The following NECAP2 variants were observed in gnomAD, a reference collection of about 807,000 sequenced individuals.
NECAP2 encodes NECAP endocytosis associated 2.
NECAP2 carries 38 observed loss-of-function variants against 37.8 expected under a neutral mutation model. That is an observed-to-expected ratio of 1.01 (90% CI 0.78 to 1.32). The LOEUF (loss-of-function observed/expected upper bound fraction) is 1.32, where lower values mean the gene tolerates loss of function less well. NECAP2 is among the 40% of genes most tolerant of loss of function. The probability of loss-of-function intolerance (pLI) is 0.00; values close to 1 mark genes in which losing one functional copy is unlikely to be tolerated. For missense variants in NECAP2, 316 were observed against 334.5 expected (o/e 0.94, Z 0.43); for synonymous variants, 121 against 127.7 (o/e 0.95, Z 0.35).
chr1:16,454,560 T>C (rs2086891823), intron 6 of NECAP2, among the ~76,000 whole-genome samples: 1 of 152,080 alleles, frequency 6.6e-6, no homozygotes, highest in Non-Finnish European at 1.5e-5. Flanking sequence ...TTTCACCACG[T>C]TGGCCAGGCT....
rs747986512 is a variant in NECAP2 at position 16,448,092 on chromosome 1, G to C, written c.331G>C (p.Asp111His). 20 of 1,614,040 alleles carry C rather than the reference G, an allele frequency of 1.2e-5. No homozygotes were observed. The East Asian group carries it at 4.2e-4, about 34-fold the overall frequency. ...RRAFIGIGFG[D>H]RGDAFDFNVA... Reference sequence around the variant, plus strand: ...GGCGTTTATTGGAATTGGCTTCGGGGACCGAGGTGATGCCTTTGACTTCAA... The same window carrying C: ...GGCGTTTATTGGAATTGGCTTCGGGCACCGAGGTGATGCCTTTGACTTCAA... Residue 111 changes from aspartate (D) to histidine (H), a missense_variant, in exon 4 of 8, where the codon GAC becomes CAC. Asp to His is a moderately conservative substitution (Grantham distance 81, BLOSUM62 -1). Coordinates refer to ENST00000337132, the MANE Select transcript of NECAP2 (RefSeq NM_018090.5).
chr1:16,446,565 CT>C (rs80041434), intron 2 of NECAP2, among the ~76,000 whole-genome samples: 156 of 144,868 alleles, frequency 1.1e-3, no homozygotes, highest in African/African-American at 2.0e-3. Context: ...CTGTTTCTTT[CT>C]TTTTTTTTTT....
chr1:16,448,231 G>A, intron 4 of NECAP2, 90 bp downstream of exon 4: 1 of 1,292,628 alleles, frequency 7.7e-7, no homozygotes. Context: ...AAGTGTTTGT[G>A]TGTGATTTGT....
At position 16,459,138 on chromosome 1, in the gene NECAP2, A is replaced by G. The variant is rs1434791783; in HGVS notation, c.*248A>G. The G allele has an allele frequency of 6.5e-6, 5 of 769,772 alleles. No homozygotes were observed. The highest frequency in any genetic ancestry group is 1.9e-5 in the South Asian group (1 of 51,646). The allele number at this position is 769,772 out of a possible 1,614,324, so 47.7% of individuals were successfully genotyped here. Reference sequence around the variant, plus strand: ...GAAAAGCTCCAGGATCCCTGTCCCCATCTGTCCTCTTGATGTGAGAGAGAC... The same window carrying G: ...GAAAAGCTCCAGGATCCCTGTCCCCGTCTGTCCTCTTGATGTGAGAGAGAC... On this transcript the variant is annotated 3_prime_UTR_variant, in exon 8 of 8. Coordinates refer to ENST00000337132, the MANE Select transcript of NECAP2 (RefSeq NM_018090.5).
In NECAP2 at chr1:16,447,772, T is replaced by TA; in HGVS notation, c.194-97dup. 6.6e-6 allele frequency: 6 copies of TA among 912,342 alleles called. No individual in the cohort carries two copies. The South Asian group carries it at 8.0e-5, about 12-fold the overall frequency. 56.5% of individuals were successfully genotyped at this position (912,342 alleles called of 1,614,324 possible). A position where few individuals can be genotyped will look rare whatever the true frequency, so the allele number is the denominator to read the frequency against. On this transcript the variant is annotated intron_variant, in intron 2 of 7. Coordinates refer to ENST00000337132, the MANE Select transcript of NECAP2 (RefSeq NM_018090.5). ...GGTTTGCCGATCTGTCTCAGCTGGTTAGAGATGCCTTGCGGGCAAAAGGCC... is the reference window on the plus strand; with the variant it reads ...GGTTTGCCGATCTGTCTCAGCTGGTTAAGAGATGCCTTGCGGGCAAAAGGCC...
At chr1:16,449,497 T>G in intron 5 of NECAP2, 1 of 317,346 alleles carries the variant, frequency 3.2e-6, no homozygotes, top group African/African-American at 2.1e-5. Context: ...CCCATAGTTG[T>G]GGGAACCAAG....
chr1:16,455,890 CAGGGTAA>C lies in NECAP2; in HGVS notation c.741_743+4del. 1 of 1,613,760 alleles carries C rather than the reference CAGGGTAA, an allele frequency of 6.2e-7. No individual in the cohort carries two copies. The highest frequency in any genetic ancestry group is 1.1e-5 in the South Asian group (1 of 91,080). On this transcript the variant is annotated splice_donor_variant and splice_donor_region_variant and coding_sequence_variant and intron_variant, in exon 7 of 8. Transcript: ENST00000337132. LOFTEE classifies it high-confidence loss of function. ...ATCTGGGGAGACTTTACCAAATCTACAGGGTAAGGAGGGCCATGTTCTGCGGAGGGGC... is the reference window on the plus strand; with the variant it reads ...ATCTGGGGAGACTTTACCAAATCTACGGAGGGCCATGTTCTGCGGAGGGGC...
chr1:16,446,151 T>C (rs1268290156), intron 2 of NECAP2, among the ~76,000 whole-genome samples: 1 of 152,166 alleles, frequency 6.6e-6, no homozygotes, highest in Admixed American at 6.5e-5. Flanking sequence ...GAGGTCGCAG[T>C]GAGCCGAGAT....
chr1:16,451,923 C>A lies in NECAP2; in HGVS notation c.575C>A (p.Pro192Gln). Residue 192 changes from proline to glutamine, a missense_variant, in exon 6 of 8, where the codon CCA becomes CAA. Pro to Gln is a moderately conservative substitution (Grantham distance 76). Coordinates refer to ENST00000337132, the MANE Select transcript of NECAP2 (RefSeq NM_018090.5). ...TGGLSLLPPP[P>Q]GGKTSTLIPP... The stretch of plus-strand genomic sequence containing the variant: ...GGGCTGAGCCTGCTTCCCCCTCCCC[C>A]AGGGGGGAAAACCTCCACCCTGATC... 2 of 1,613,942 alleles carry A rather than the reference C, an allele frequency of 1.2e-6. No homozygotes were observed. The highest frequency in any genetic ancestry group is 1.7e-6 in the Non-Finnish European group (2 of 1,179,838).
intron 4 of NECAP2, among the ~76,000 whole-genome samples, chr1:16,448,754 A>G (rs990791688): frequency 1.3e-5 from 2 of 152,010 alleles, no homozygotes; most frequent in African/African-American, 4.8e-5. Flanking sequence ...CTTAGTTCTC[A>G]TGTCATATAC....
intron 6 of NECAP2, among the ~76,000 whole-genome samples, chr1:16,454,162 C>T (rs951093856): frequency 2.6e-5 from 4 of 151,344 alleles, no homozygotes; most frequent in African/African-American, 9.7e-5. Context: ...TGGGTTCAAG[C>T]GACTCTCCTG....
chr1:16,441,979 C>CTT (rs1275872447), intron 1 of NECAP2, among the ~76,000 whole-genome samples: 5 of 136,550 alleles, frequency 3.7e-5, no homozygotes, highest in African/African-American at 8.1e-5. Flanking sequence ...CCTGTTGGGT[C>CTT]TTTTTTTTTT....
chr1:16,443,691 AG>A lies in NECAP2; in HGVS notation c.155del (p.Gly52AspfsTer33). ...AGTGGCCGGCTGAGGATCACTGCAAAGGGACAGATGGCCTACATCAAGCTGG... is the reference window on the plus strand; with the variant it reads ...AGTGGCCGGCTGAGGATCACTGCAAAGGACAGATGGCCTACATCAAGCTGG... ...SWSGRLRITA[K>X]GQMAYIKLED... On this transcript the variant is annotated frameshift_variant, in exon 2 of 8. Coordinates refer to ENST00000337132, the MANE Select transcript of NECAP2 (RefSeq NM_018090.5). LOFTEE classifies it high-confidence loss of function. 6.2e-7 allele frequency: 1 copy of A among 1,613,146 alleles called. No homozygotes were observed. The highest frequency in any genetic ancestry group is 8.5e-7 in the Non-Finnish European group (1 of 1,179,878).
chr1:16,447,755 G>A (rs544408062), intron 2 of NECAP2, 115 bp from the exon 3 acceptor site: 4 of 774,480 alleles, frequency 5.2e-6, no homozygotes, highest in South Asian at 1.5e-5. Context: ...AAGGTTTGCC[G>A]ATCTGTCTCA....
In NECAP2 at chr1:16,448,496, G is replaced by A. The variant is rs1570262431; in HGVS notation, c.380+355G>A. The stretch of plus-strand genomic sequence containing the variant: ...CAGGGCACCCAGCAGATGCCCTGAT[G>A]TCCTTTTCTGAAGCTAAGAGACAGG... On this transcript the variant is annotated intron_variant, in intron 4 of 7. Transcript: ENST00000337132. 9.7e-6 allele frequency: 3 copies of A among 310,662 alleles called. No homozygotes were observed. In the East Asian group the frequency reaches 2.2e-4, roughly 23 times the overall value. 19.2% of individuals were successfully genotyped at this position (310,662 alleles called of 1,614,324 possible).
intron 1 of NECAP2, chr1:16,441,586 A>AT (rs1301974368): frequency 6.6e-6 from 1 of 152,094 alleles, no homozygotes; most frequent in Non-Finnish European, 1.5e-5. Context: ...GACGAAAAAT[A>AT]TTAAAAGAAA....
rs1473780469 is a variant in NECAP2, at chr1:16,459,022, T to A, written c.*132T>A. ...ATCTCTCCTCTCCTCCTTGTCTGGC[T>A]CTGTTGACAAACCGGGCATGTTTGG... On this transcript the variant is annotated 3_prime_UTR_variant, in exon 8 of 8. Coordinates refer to ENST00000337132, the MANE Select transcript of NECAP2 (RefSeq NM_018090.5). 1 of 1,557,128 alleles carries A rather than the reference T, an allele frequency of 6.4e-7. No homozygotes were observed. The highest frequency in any genetic ancestry group is 8.7e-7 in the Non-Finnish European group (1 of 1,151,804).
intron 1 of NECAP2, chr1:16,441,307 C>T (rs571795463): frequency 2.7e-4 from 45 of 164,372 alleles, no homozygotes; most frequent in African/African-American, 1.1e-3. Flanking sequence ...AGGTGACGGT[C>T]GAAGCCCAGG....
chr1:16,451,772 G>A (rs1301532851), intron 5 of NECAP2, 66 bp from the exon 6 acceptor site: 3 of 1,591,928 alleles, frequency 1.9e-6, no homozygotes, highest in Non-Finnish European at 2.6e-6. Flanking sequence ...CCCTCCTTGT[G>A]GGGTTTTCTG....
Sources: gnomAD v4.1 joint callset for allele counts (sites outside exome capture counted in the v4.1 genomes callset) on GRCh38, gnomAD v4.1.1 for gene constraint, MANE v1.5 for transcripts, NCBI Gene and HGNC (gene_info 2026-07-23, HGNC 2026-07-21) for gene names.